The following SLIT3 variants were observed in gnomAD, a reference collection of about 807,000 sequenced individuals.
SLIT3 encodes slit guidance ligand 3.
SLIT3 carries 68 observed loss-of-function variants against 184.0 expected under a neutral mutation model. That is an observed-to-expected ratio of 0.37 (90% confidence interval 0.30 to 0.45). The LOEUF (loss-of-function observed/expected upper bound fraction) is 0.45. SLIT3 is among the 20% of genes least tolerant of loss of function. The pLI is 1.00. For missense variants in SLIT3, 1,707 were observed against 2,026.0 expected, an observed-to-expected ratio of 0.84 and a Z score of 3.02; for synonymous variants, 831 against 828.6, an observed-to-expected ratio of 1.00 and a Z score of -0.05.
At chr5:169,124,126 C>T (rs295983) in intron 4 of SLIT3, among the ~76,000 whole-genome samples, 50,026 of 151,838 alleles carry the variant, frequency 0.33, 8,382 homozygotes, top group East Asian at 0.44. Flanking sequence ...AAAGGGCCCC[C>T]TTTTTTCTTC....
chr5:169,131,074 A>G (rs543335919), intron 4 of SLIT3, among the ~76,000 whole-genome samples: 2 of 152,342 alleles, frequency 1.3e-5, no homozygotes, highest in South Asian at 4.1e-4. Context: ...TCATAGGAGC[A>G]AAGACCCTCT....
At chr5:169,270,272 A>C (rs1230180146) in intron 1 of SLIT3, among the ~76,000 whole-genome samples, 2 of 152,230 alleles carry the variant, frequency 1.3e-5, no homozygotes, top group African/African-American at 4.8e-5. Flanking sequence ...AATCCTAAGA[A>C]GGCACAGATT....
chr5:168,996,613 C>T (rs562397761), intron 4 of SLIT3, among the ~76,000 whole-genome samples: 16 of 152,156 alleles, frequency 1.1e-4, no homozygotes, highest in African/African-American at 2.9e-4. Flanking sequence ...CTATTGATTT[C>T]GATCCCCAAC....
chr5:169,025,646 T>G (rs911972519), intron 4 of SLIT3, among the ~76,000 whole-genome samples: 5 of 152,178 alleles, frequency 3.3e-5, no homozygotes, highest in Admixed American at 2.6e-4. Flanking sequence ...ATTAACTCTC[T>G]TTTGTACAGA....
chr5:169,044,747 A>G (rs1035266589), intron 4 of SLIT3, among the ~76,000 whole-genome samples: 9 of 152,196 alleles, frequency 5.9e-5, no homozygotes, highest in African/African-American at 1.9e-4. Flanking sequence ...ATGTTAAACT[A>G]TATCTCAAGA....
intron 5 of SLIT3, among the ~76,000 whole-genome samples, chr5:168,845,820 C>G (rs763720210): frequency 1.1e-4 from 17 of 152,188 alleles, no homozygotes; most frequent in Non-Finnish European, 2.2e-4. Flanking sequence ...GCAGAGCACA[C>G]TATGGTCTTT....
intron 34 of SLIT3, 66 bp downstream of exon 34, chr5:168,671,132 G>GGT: frequency 6.5e-7 from 1 of 1,535,642 alleles, no homozygotes; most frequent in Non-Finnish European, 8.8e-7. Flanking sequence ...CTATTTCTCA[G>GGT]GTGGGGTAGG....
chr5:168,989,173 C>T (rs556069244), intron 4 of SLIT3, among the ~76,000 whole-genome samples: 1 of 152,280 alleles, frequency 6.6e-6, no homozygotes, highest in East Asian at 1.9e-4. Context: ...CAAATCCATA[C>T]AAGACGGAAT....
chr5:168,670,611 T>C (rs1488854450), intron 34 of SLIT3, among the ~76,000 whole-genome samples: 1 of 152,162 alleles, frequency 6.6e-6, no homozygotes, highest in Non-Finnish European at 1.5e-5. Flanking sequence ...CACAAGAAGC[T>C]CAAACCCTGT....
intron 8 of SLIT3, among the ~76,000 whole-genome samples, chr5:168,809,209 C>T (rs977551468): frequency 6.6e-6 from 1 of 152,210 alleles, no homozygotes; most frequent in Non-Finnish European, 1.5e-5. Context: ...ACCCAGGGCA[C>T]AGCCTTGAGT....
intron 4 of SLIT3, among the ~76,000 whole-genome samples, chr5:169,059,299 G>A (rs934921270): frequency 6.6e-6 from 1 of 152,042 alleles, no homozygotes; most frequent in African/African-American, 2.4e-5. Context: ...GCAGAGACAG[G>A]GAGCTCACCG....
At chr5:168,850,284 G>A (rs1343873315) in intron 5 of SLIT3, among the ~76,000 whole-genome samples, 1 of 152,082 alleles carries the variant, frequency 6.6e-6, no homozygotes, top group Non-Finnish European at 1.5e-5. Flanking sequence ...TGAGCAAAAG[G>A]AGGTGAATCT....
chr5:168,914,474 G>A (rs1761369695), intron 4 of SLIT3, among the ~76,000 whole-genome samples: 1 of 152,152 alleles, frequency 6.6e-6, no homozygotes, highest in Admixed American at 6.5e-5. Flanking sequence ...TATGCTAAAT[G>A]GGCACTTTCC....
intron 4 of SLIT3, among the ~76,000 whole-genome samples, chr5:169,168,898 C>A (rs1029639233): frequency 2.0e-5 from 3 of 152,136 alleles, no homozygotes; most frequent in African/African-American, 7.2e-5. Context: ...TGGCCAGAGA[C>A]CCTGCTGGGA....
intron 4 of SLIT3, among the ~76,000 whole-genome samples, chr5:169,142,872 G>A (rs539553071): frequency 6.6e-6 from 1 of 152,326 alleles, no homozygotes; most frequent in East Asian, 1.9e-4. Context: ...ATCTGTGATG[G>A]AGATTGTTCA....
intron 4 of SLIT3, among the ~76,000 whole-genome samples, chr5:169,174,587 T>C (rs1197543383): frequency 1.3e-5 from 2 of 152,144 alleles, no homozygotes; most frequent in East Asian, 1.9e-4. Flanking sequence ...CCTCACAGGG[T>C]TGGGAAGATA....
In SLIT3 at chr5:168,930,480, C is replaced by T. The variant is rs1284150852; in HGVS notation, c.414-47144G>A. ...GCCATTTCTAGCTGTGTGACTTTGA[C>T]CAAGTGATGTAAACCCCTCCCAGCC... On this transcript the variant is annotated intron_variant, in intron 4 of 35. Transcript: ENST00000519560. Among the ~76,000 whole-genome samples, 4 of 152,094 alleles carry T rather than the reference C, an allele frequency of 2.6e-5. No homozygotes were observed. In the South Asian group the frequency reaches 6.2e-4, roughly 24 times the overall value.
intron 4 of SLIT3, among the ~76,000 whole-genome samples, chr5:169,049,263 T>A: frequency 6.6e-6 from 1 of 152,092 alleles, no homozygotes; most frequent in East Asian, 1.9e-4. Context: ...GTATGCTACA[T>A]CTAATGTGTG....
intron 4 of SLIT3, among the ~76,000 whole-genome samples, chr5:169,033,749 G>A (rs1757126590): frequency 6.6e-6 from 1 of 151,042 alleles, no homozygotes. Context: ...CTGTAGAAAT[G>A]CCTATTCAGG....
Sources: allele counts gnomAD v4.1 joint callset (sites outside exome capture counted in the v4.1 genomes callset), GRCh38; gene constraint gnomAD v4.1.1; transcripts MANE v1.5; gene names NCBI Gene and HGNC (gene_info 2026-07-23, HGNC 2026-07-21).